The following PABPC4L variants were observed in gnomAD, a reference collection of about 807,000 sequenced individuals.
The protein encoded by PABPC4L is poly(A) binding protein cytoplasmic 4 like.
For missense variants in PABPC4L, 452 were observed against 451.4 expected, an observed-to-expected ratio of 1.00 and a Z score of -0.01; for synonymous variants, 169 against 164.1, an observed-to-expected ratio of 1.03 and a Z score of -0.23.
chr4:134,022,218 T>C, the PABPC4L span, among the ~76,000 whole-genome samples: 2 of 152,132 alleles, frequency 1.3e-5, no homozygotes, highest in Non-Finnish European at 2.9e-5. Flanking sequence ...TCACTACCAG[T>C]TTTAATACTG....
At chr4:134,064,546 G>A in the PABPC4L span, among the ~76,000 whole-genome samples, 4 of 152,044 alleles carry the variant, frequency 2.6e-5, no homozygotes, top group African/African-American at 9.7e-5. Flanking sequence ...CTCTCGGAAT[G>A]AGATATCATT....
the PABPC4L span, among the ~76,000 whole-genome samples, chr4:134,118,270 G>C: frequency 6.6e-6 from 1 of 151,810 alleles, no homozygotes; most frequent in Non-Finnish European, 1.5e-5. Context: ...TCCTTGGAAA[G>C]TCATGGAACA....
chr4:133,973,333 C>G, the PABPC4L span, among the ~76,000 whole-genome samples: 2 of 147,034 alleles, frequency 1.4e-5, no homozygotes, highest in African/African-American at 2.5e-5. Flanking sequence ...AAAGGACTTA[C>G]AAAAATCTGA....
chr4:133,970,208 C>T, the PABPC4L span, among the ~76,000 whole-genome samples: 5 of 151,744 alleles, frequency 3.3e-5, no homozygotes, highest in Admixed American at 6.6e-5. Flanking sequence ...AGTCCTCCTT[C>T]GACAAAAGTG....
At chr4:134,159,560 T>C in the PABPC4L span, among the ~76,000 whole-genome samples, 1 of 152,116 alleles carries the variant, frequency 6.6e-6, no homozygotes, top group Non-Finnish European at 1.5e-5. Flanking sequence ...AGAATTCTGC[T>C]GGCACACTTA....
the PABPC4L span, among the ~76,000 whole-genome samples, chr4:133,956,009 C>T: frequency 6.6e-6 from 1 of 151,866 alleles, no homozygotes; most frequent in East Asian, 1.9e-4. Context: ...AATTAATTTG[C>T]ATCTTTATCT....
chr4:134,057,341 A>T, the PABPC4L span, among the ~76,000 whole-genome samples: 1 of 151,748 alleles, frequency 6.6e-6, no homozygotes, highest in Non-Finnish European at 1.5e-5. Flanking sequence ...TTCTGTGGGG[A>T]GTTACTGCTT....
the PABPC4L span, among the ~76,000 whole-genome samples, chr4:134,004,965 G>T: frequency 2.6e-5 from 4 of 151,756 alleles, no homozygotes; most frequent in Non-Finnish European, 1.5e-5. Context: ...AGTGAGACGG[G>T]GTTGGTAAGT....
In PABPC4L at chr4:134,199,925, G is replaced by C; in HGVS notation, c.1095C>G (p.Ala365=). 5.2e-6 allele frequency: 8 copies of C among 1,551,566 alleles called. No individual in the cohort carries two copies. The highest frequency in any genetic ancestry group is 7.0e-6 in the Non-Finnish European group (8 of 1,146,960). ...RILGSKPLSI[A]LAQRH ...TTCTTTCCTAGTGTCTCTGGGCCAA[G>C]GCAATGCTAAGAGGTTTGGAGCCCA... The change falls in exon 2 of 2, where the codon GCC becomes GCG. Residue 365 remains alanine (A), a synonymous_variant. Coordinates refer to ENST00000421491, the MANE Select transcript of PABPC4L (RefSeq NM_001114734.2).
At chr4:134,123,081 G>A in the PABPC4L span, among the ~76,000 whole-genome samples, 3 of 151,942 alleles carry the variant, frequency 2.0e-5, no homozygotes, top group Non-Finnish European at 4.4e-5. Flanking sequence ...GTACCTGTGA[G>A]CCTCTAGTCA....
At chr4:134,113,380 T>G in the PABPC4L span, among the ~76,000 whole-genome samples, 1 of 151,978 alleles carries the variant, frequency 6.6e-6, no homozygotes, top group Admixed American at 6.6e-5. Flanking sequence ...CCATTATTTT[T>G]TCTTTTATAT....
chr4:133,957,857 G>A, the PABPC4L span, among the ~76,000 whole-genome samples: 1 of 152,168 alleles, frequency 6.6e-6, no homozygotes, highest in Admixed American at 6.5e-5. Context: ...TTTTAGCCAT[G>A]GCTGGAGCTG....
At chr4:134,183,611 C>G in the PABPC4L span, among the ~76,000 whole-genome samples, 1 of 151,646 alleles carries the variant, frequency 6.6e-6, no homozygotes, top group Admixed American at 6.6e-5. Context: ...TGGAAGTTAC[C>G]TGCAAATGTA....
chr4:134,193,748 C>A (rs1314964093), downstream of PABPC4L, among the ~76,000 whole-genome samples: 3 of 151,702 alleles, frequency 2.0e-5, no homozygotes, highest in Non-Finnish European at 4.4e-5. Context: ...TGTCTCTCCA[C>A]AAGGGTCCCT....
chr4:133,977,980 G>A, the PABPC4L span: 9 of 152,152 alleles, frequency 5.9e-5, no homozygotes, highest in Admixed American at 6.6e-5. Flanking sequence ...TTGCTCAAGG[G>A]TAGTGTTAAC....
rs1729735931 is a variant in PABPC4L at position 134,198,496 on chromosome 4, T to A, written c.*1411A>T. On this transcript the variant is annotated 3_prime_UTR_variant, in exon 2 of 2. Transcript: ENST00000421491. Reference sequence around the variant, plus strand: ...AAAATATTTTACTATTTCTTTTATATTAGTAATATATGAAATAGAGAATGT... The same window carrying A: ...AAAATATTTTACTATTTCTTTTATAATAGTAATATATGAAATAGAGAATGT... 1 of 151,314 alleles carries A rather than the reference T, an allele frequency of 6.6e-6. No individual in the cohort carries two copies. Among genetic ancestry groups the A allele is most frequent in the Non-Finnish European group, 1.5e-5 (1 of 67,658 alleles). The allele number at this position is 151,314 out of a possible 1,614,324, so 9.4% of individuals were successfully genotyped here.
the PABPC4L span, among the ~76,000 whole-genome samples, chr4:134,100,854 A>G: frequency 2.0e-5 from 3 of 151,700 alleles, no homozygotes; most frequent in East Asian, 5.8e-4. Flanking sequence ...CATATTAAGT[A>G]TTATTTAAGG....
chr4:134,000,602 T>A, the PABPC4L span, among the ~76,000 whole-genome samples: 1 of 152,266 alleles, frequency 6.6e-6, no homozygotes. Flanking sequence ...ATTAACTTTT[T>A]TTCTTGGTAT....
chr4:134,015,608 C>G, the PABPC4L span, among the ~76,000 whole-genome samples: 1 of 152,074 alleles, frequency 6.6e-6, no homozygotes, highest in African/African-American at 2.4e-5. Flanking sequence ...CGGCATAATT[C>G]TCATAAAAAC....
Sources: gnomAD v4.1 joint callset for allele counts (sites outside exome capture counted in the v4.1 genomes callset) on GRCh38, gnomAD v4.1.1 for gene constraint, MANE v1.5 for transcripts, NCBI Gene and HGNC (gene_info 2026-07-23, HGNC 2026-07-21) for gene names.